PAIP2B: variants seen among roughly 807,000 people sequenced by gnomAD.
The protein encoded by PAIP2B is polyadenylate-binding protein-interacting protein 2B.
In PAIP2B, 13 loss-of-function variants were observed where a neutral mutation model predicts 17.0. The observed-to-expected ratio is 0.76, with a 90% confidence interval of 0.50 to 1.22. The LOEUF (loss-of-function observed/expected upper bound fraction) is 1.22. Ranked by LOEUF, PAIP2B falls within the 50% of genes most tolerant of loss-of-function variation. PAIP2B has a pLI of 0.00. For missense variants in PAIP2B, 117 were observed against 144.5 expected (o/e 0.81, Z 0.98); for synonymous variants, 43 against 48.7 (o/e 0.88, Z 0.48).
At chr2:71,203,590 T>C (rs1024586219) in intron 1 of PAIP2B, among the ~76,000 whole-genome samples, 2 of 152,164 alleles carry the variant, frequency 1.3e-5, no homozygotes, top group African/African-American at 4.8e-5. Context: ...GCTGATTATC[T>C]TAAGATATGT....
intron 1 of PAIP2B, among the ~76,000 whole-genome samples, chr2:71,219,121 G>T (rs1373770209): frequency 1.4e-5 from 2 of 143,592 alleles, no homozygotes; most frequent in Non-Finnish European, 3.0e-5. Flanking sequence ...TAGTAGAGAC[G>T]GGGTTTCACG....
At chr2:71,217,801 C>T (rs1008699977) in intron 1 of PAIP2B, among the ~76,000 whole-genome samples, 1 of 151,216 alleles carries the variant, frequency 6.6e-6, no homozygotes, top group Non-Finnish European at 1.5e-5. Flanking sequence ...GGAGCAGAAG[C>T]TCATGCCTAC....
chr2:71,192,811 A>G (rs962732922), intron 2 of PAIP2B, among the ~76,000 whole-genome samples: 9 of 152,172 alleles, frequency 5.9e-5, no homozygotes, highest in Non-Finnish European at 7.3e-5. Flanking sequence ...GTGTATATGT[A>G]CCACATTTTC....
chr2:71,225,616 A>G (rs565941399), intron 1 of PAIP2B, among the ~76,000 whole-genome samples: 25 of 152,280 alleles, frequency 1.6e-4, no homozygotes, highest in Non-Finnish European at 3.1e-4. Flanking sequence ...ATCTCCTCCA[A>G]CCTTCAAAAT....
intron 3 of PAIP2B, 78 bp from the exon 4 acceptor site, chr2:71,188,613 C>T (rs1036050569): frequency 5.7e-6 from 7 of 1,217,606 alleles, no homozygotes; most frequent in Admixed American, 2.0e-5. Context: ...ATTATCAGTA[C>T]CTTCCCCTTA....
intron 1 of PAIP2B, among the ~76,000 whole-genome samples, chr2:71,204,298 C>CA (rs1471323000): frequency 6.6e-6 from 1 of 152,172 alleles, no homozygotes; most frequent in Non-Finnish European, 1.5e-5. Flanking sequence ...GTTTCTATAA[C>CA]AAATTATTTC....
At chr2:71,219,195 G>A (rs1035346030) in intron 1 of PAIP2B, among the ~76,000 whole-genome samples, 5 of 150,824 alleles carry the variant, frequency 3.3e-5, no homozygotes, top group African/African-American at 1.2e-4. Flanking sequence ...CTCCCAAAGT[G>A]CTGGGATTAC....
intron 1 of PAIP2B, among the ~76,000 whole-genome samples, chr2:71,203,250 T>G (rs764481569): frequency 3.3e-5 from 5 of 152,142 alleles, no homozygotes; most frequent in Non-Finnish European, 7.4e-5. Context: ...TGCCCCATCA[T>G]TTGCTTTTTC....
At chr2:71,203,097 G>A (rs1675027536) in intron 1 of PAIP2B, among the ~76,000 whole-genome samples, 2 of 152,086 alleles carry the variant, frequency 1.3e-5, no homozygotes, top group South Asian at 2.1e-4. Flanking sequence ...GCCACCTGTT[G>A]TCCAGCCATC....
chr2:71,194,459 T>TTGTGTGTGTG (rs141924993), intron 2 of PAIP2B, among the ~76,000 whole-genome samples: 2,471 of 143,418 alleles, frequency 0.017, 56 homozygotes, highest in African/African-American at 0.056. Context: ...TATTCCTAGG[T>TTGTGTGTGTG]TGTGTGTGTG....
At chr2:71,196,903 G>A (rs1191213285) in intron 2 of PAIP2B, among the ~76,000 whole-genome samples, 1 of 152,106 alleles carries the variant, frequency 6.6e-6, no homozygotes, top group African/African-American at 2.4e-5. Context: ...GAGCCTATGA[G>A]TGTCATTATG....
At position 71,183,919 on chromosome 2, in the gene PAIP2B, C is replaced by T. The variant is rs529011377; in HGVS notation, c.*4560G>A. ...GAAATGGGTGTTTTATGATATGTAA[C>T]ATATGCCTCATTAAAGTTGTTTTAA... On this transcript the variant is annotated 3_prime_UTR_variant, in exon 4 of 4. Coordinates refer to ENST00000244221, the MANE Select transcript of PAIP2B (RefSeq NM_020459.1). The T allele has an allele frequency of 1.1e-4, 17 of 152,322 alleles. No individual in the cohort carries two copies. In the South Asian group the frequency reaches 3.5e-3, roughly 32 times the overall value. 9.4% of individuals were successfully genotyped at this position (152,322 alleles called of 1,614,324 possible).
At chr2:71,218,080 T>C (rs72907647) in intron 1 of PAIP2B, among the ~76,000 whole-genome samples, 1,732 of 152,186 alleles carry the variant, frequency 0.011, 47 homozygotes, top group African/African-American at 0.04. Context: ...CATTCTGCCC[T>C]ACTCCTGTTT....
chr2:71,220,260 C>G (rs1168370002), intron 1 of PAIP2B, among the ~76,000 whole-genome samples: 1 of 152,186 alleles, frequency 6.6e-6, no homozygotes, highest in Non-Finnish European at 1.5e-5. Flanking sequence ...TTATGTACAG[C>G]AGCACGTAAC....
At chr2:71,203,806 T>C (rs1283249395) in intron 1 of PAIP2B, among the ~76,000 whole-genome samples, 1 of 151,154 alleles carries the variant, frequency 6.6e-6, no homozygotes, top group East Asian at 1.9e-4. Flanking sequence ...TTTATGGCAA[T>C]TTTTGCCGGC....
At chr2:71,209,279 C>T (rs995755608) in intron 1 of PAIP2B, among the ~76,000 whole-genome samples, 3 of 152,034 alleles carry the variant, frequency 2.0e-5, no homozygotes, top group African/African-American at 2.4e-5. Flanking sequence ...ATGAAGTCCA[C>T]GGAAATGACA....
chr2:71,205,908 C>G (rs912759984), intron 1 of PAIP2B, among the ~76,000 whole-genome samples: 17 of 152,128 alleles, frequency 1.1e-4, no homozygotes, highest in Admixed American at 2.6e-4. Flanking sequence ...AGGAAATGAA[C>G]CATCATGTAA....
At chr2:71,193,248 G>A (rs910411263) in intron 2 of PAIP2B, among the ~76,000 whole-genome samples, 1 of 151,996 alleles carries the variant, frequency 6.6e-6, no homozygotes, top group African/African-American at 2.4e-5. Flanking sequence ...TTCCTTTTGA[G>A]AGGTGTCTGT....
intron 1 of PAIP2B, among the ~76,000 whole-genome samples, chr2:71,213,526 A>G (rs1230471035): frequency 2.6e-5 from 4 of 152,226 alleles, no homozygotes. Flanking sequence ...TGCTAGACAG[A>G]GTGAAGAAGA....
Sources: gnomAD v4.1 joint callset for allele counts (sites outside exome capture counted in the v4.1 genomes callset) on GRCh38, gnomAD v4.1.1 for gene constraint, MANE v1.5 for transcripts, NCBI Gene and HGNC (gene_info 2026-07-23, HGNC 2026-07-21) for gene names.